The following MGMT variants were observed in gnomAD, a reference collection of about 807,000 sequenced individuals.
MGMT encodes O-6-methylguanine-DNA methyltransferase, also known as methylated-DNA--protein-cysteine methyltransferase.
A neutral mutation model predicts 15.9 loss-of-function variants in MGMT; 14 were observed. The observed-to-expected ratio is 0.88, with a 90% CI of 0.58 to 1.37. The LOEUF is 1.37. MGMT is among the 40% of genes most tolerant of loss of function. The pLI is 0.00. For synonymous variants in MGMT, 130 were observed against 118.2 expected, an observed-to-expected ratio of 1.10 and a Z score of -0.65; for missense variants, 282 against 268.1, an observed-to-expected ratio of 1.05 and a Z score of -0.36.
intron 2 of MGMT, among the ~76,000 whole-genome samples, chr10:129,646,754 A>ATATATT: frequency 1.4e-4 from 12 of 86,676 alleles, no homozygotes; most frequent in African/African-American, 4.7e-4. Context: ...ATATATATAT[A>ATATATT]TTTTCAGGGA....
At chr10:129,606,691 C>T (rs773341266) in intron 2 of MGMT, among the ~76,000 whole-genome samples, 10 of 152,102 alleles carry the variant, frequency 6.6e-5, no homozygotes, top group Non-Finnish European at 4.4e-5. Flanking sequence ...GTTTATTTGG[C>T]TCCTTATAAA....
Position 129,532,989 on chromosome 10 carries a change from C to T in MGMT, c.-12-3252C>T, listed in dbSNP as rs747704042. On this transcript the variant is annotated intron_variant, in intron 1 of 4. Coordinates refer to ENST00000651593, the MANE Select transcript of MGMT (RefSeq NM_002412.5). This position sits in a 1 kb window ranked among gnomAD's most constrained non-coding sequence, Gnocchi z 5.3. ...TCGGACACTGGCACATGTTGGCAGG[C>T]GTCAGCACCAGGGCTGGGCTCCTGC... Among the ~76,000 whole-genome samples, 1 of 152,210 alleles carries T rather than the reference C, an allele frequency of 6.6e-6. No homozygotes were observed. The highest frequency in any genetic ancestry group is 1.5e-5 in the Non-Finnish European group (1 of 68,038).
chr10:129,502,941 C>T (rs1845589202), intron 1 of MGMT, among the ~76,000 whole-genome samples: 1 of 152,136 alleles, frequency 6.6e-6, no homozygotes, highest in South Asian at 2.1e-4. Context: ...CTTTTTACGG[C>T]TCTACCCCGT....
chr10:129,717,415 C>A (rs1848312129), intron 3 of MGMT, among the ~76,000 whole-genome samples: 1 of 152,144 alleles, frequency 6.6e-6, no homozygotes, highest in Non-Finnish European at 1.5e-5. Flanking sequence ...GGTATTGGAA[C>A]AGAAATAGTG....
intron 4 of MGMT, among the ~76,000 whole-genome samples, chr10:129,761,474 A>G (rs1848872738): frequency 6.6e-6 from 1 of 152,232 alleles, no homozygotes; most frequent in African/African-American, 2.4e-5. Flanking sequence ...CTCACTCTGC[A>G]GTGGAGATGC....
At chr10:129,604,179 A>G (rs553897188) in intron 2 of MGMT, among the ~76,000 whole-genome samples, 3 of 152,298 alleles carry the variant, frequency 2.0e-5, no homozygotes, top group Admixed American at 2.0e-4. Context: ...GATTTACCAA[A>G]GCACTCTCTA....
chr10:129,629,784 A>G (rs1847190069), intron 2 of MGMT, among the ~76,000 whole-genome samples: 1 of 152,176 alleles, frequency 6.6e-6, no homozygotes, highest in Admixed American at 6.5e-5. Flanking sequence ...GTTTTCACTG[A>G]TGGGACATAG....
intron 1 of MGMT, among the ~76,000 whole-genome samples, chr10:129,508,608 C>T (rs940380921): frequency 2.3e-4 from 35 of 149,488 alleles, no homozygotes; most frequent in African/African-American, 5.5e-4. Flanking sequence ...TGCAGTGGTG[C>T]GATCTTGGCT....
intron 2 of MGMT, among the ~76,000 whole-genome samples, chr10:129,679,711 T>G (rs1321068152): frequency 6.6e-6 from 1 of 152,156 alleles, no homozygotes; most frequent in Non-Finnish European, 1.5e-5. Flanking sequence ...TATTCAGCAT[T>G]GGTGCATTGA....
intron 2 of MGMT, among the ~76,000 whole-genome samples, chr10:129,703,655 T>C (rs902333993): frequency 6.6e-6 from 1 of 151,856 alleles, no homozygotes; most frequent in Non-Finnish European, 1.5e-5. Context: ...GCAGCCCCTG[T>C]GCTCCACTCC....
intron 1 of MGMT, among the ~76,000 whole-genome samples, chr10:129,495,516 A>T (rs558835695): frequency 6.6e-6 from 1 of 152,282 alleles, no homozygotes; most frequent in African/African-American, 2.4e-5. Flanking sequence ...GCTGATTGTG[A>T]CTCATCACTG....
At position 129,533,126 on chromosome 10, in the gene MGMT, G is replaced by T. The variant is rs1031717458; in HGVS notation, c.-12-3115G>T. On this transcript the variant is annotated intron_variant, in intron 1 of 4. Transcript: ENST00000651593. This position sits in a 1 kb window ranked among gnomAD's most constrained non-coding sequence, Gnocchi z 4.5. Reference sequence around the variant, plus strand: ...GGCAATGGTGGCAACAGTGCCAGCTGCCCTGCCTGCTGTGCCTGGTTGCCC... The same window carrying T: ...GGCAATGGTGGCAACAGTGCCAGCTTCCCTGCCTGCTGTGCCTGGTTGCCC... Among the ~76,000 whole-genome samples the T allele has an allele frequency of 6.6e-6, 1 of 152,246 alleles. No individual in the cohort carries two copies. Among genetic ancestry groups the T allele is most frequent in the African/African-American group, 2.4e-5 (1 of 41,460 alleles).
chr10:129,619,605 A>G (rs1459660853), intron 2 of MGMT, among the ~76,000 whole-genome samples: 1 of 152,018 alleles, frequency 6.6e-6, no homozygotes, highest in East Asian at 1.9e-4. Flanking sequence ...CTGGGCCTGG[A>G]ATTTTCTTTG....
intron 1 of MGMT, among the ~76,000 whole-genome samples, chr10:129,525,476 G>A (rs1845859073): frequency 6.6e-6 from 1 of 152,136 alleles, no homozygotes; most frequent in Non-Finnish European, 1.5e-5. Flanking sequence ...TGACTATGCT[G>A]AGCCCTTTAA....
At chr10:129,759,688 T>C (rs1415346785) in intron 4 of MGMT, among the ~76,000 whole-genome samples, 1 of 152,022 alleles carries the variant, frequency 6.6e-6, no homozygotes, top group Non-Finnish European at 1.5e-5. Context: ...GCCTGTTTTA[T>C]GGCCCACACT....
At chr10:129,579,448 C>T (rs1280910871) in intron 2 of MGMT, among the ~76,000 whole-genome samples, 1 of 152,234 alleles carries the variant, frequency 6.6e-6, no homozygotes, top group Non-Finnish European at 1.5e-5. Context: ...GGAACTCGGC[C>T]TGCCCCGTTT....
Position 129,750,905 on chromosome 10 carries a change from C to A in MGMT, c.275-8297C>A, listed in dbSNP as rs1356023091. Reference sequence around the variant, plus strand: ...TCAGCCTTGCTTTCCTGGGACAAACCCCACTTAATTTTGATGTCTTGTTCT... The same window carrying A: ...TCAGCCTTGCTTTCCTGGGACAAACACCACTTAATTTTGATGTCTTGTTCT... On this transcript the variant is annotated intron_variant, in intron 3 of 4. Coordinates refer to ENST00000651593, the MANE Select transcript of MGMT (RefSeq NM_002412.5). Among the ~76,000 whole-genome samples the A allele has an allele frequency of 2.6e-5, 4 of 151,990 alleles. 1 individual carries two copies. In the South Asian group the frequency reaches 6.2e-4, roughly 24 times the overall value.
At chr10:129,470,294 G>T (rs1348954394) in intron 1 of MGMT, among the ~76,000 whole-genome samples, 1 of 152,182 alleles carries the variant, frequency 6.6e-6, no homozygotes, top group Non-Finnish European at 1.5e-5. Flanking sequence ...GAGACCTTGT[G>T]TTGTGGACCA....
rs376927510 is a variant in MGMT, at chr10:129,766,896, C to G, written c.523C>G (p.Arg175Gly). 1.4e-5 allele frequency: 23 copies of G among 1,613,392 alleles called. No homozygotes were observed. The African/African-American group carries it at 2.0e-4, about 14-fold the overall frequency. Reference protein sequence around the residue: ...KEWLLAHEGHRLGKPGLGGSS... With the variant: ...KEWLLAHEGHGLGKPGLGGSS... ...ATGGCTTCTGGCCCATGAAGGCCACCGGTTGGGGAAGCCAGGCTTGGGAGG... is the reference window on the plus strand; with the variant it reads ...ATGGCTTCTGGCCCATGAAGGCCACGGGTTGGGGAAGCCAGGCTTGGGAGG... The change falls in exon 5 of 5, where the codon CGG (arginine) becomes GGG (glycine). Residue 175 changes from arginine to glycine, a missense_variant. By Grantham distance (125) the Arg-to-Gly change is moderately radical. Transcript: ENST00000651593.
Sources: gnomAD v4.1 joint callset for allele counts (sites outside exome capture counted in the v4.1 genomes callset) on GRCh38, gnomAD v4.1.1 for gene constraint, Gnocchi (gnomAD v3.1) non-coding constraint, MANE v1.5 for transcripts, NCBI Gene and HGNC (gene_info 2026-07-23, HGNC 2026-07-21) for gene names.